Variants in RBM19 observed in about 807,000 individuals in gnomAD.
RBM19 encodes the protein RNA binding motif protein 19.
In RBM19, 94 loss-of-function variants were observed where a neutral mutation model predicts 116.8. That is an observed-to-expected ratio of 0.80 (90% confidence interval 0.68 to 0.95). The LOEUF (loss-of-function observed/expected upper bound fraction) is 0.95, where lower values mean the gene tolerates loss of function less well. RBM19 is among the 40% of genes least tolerant of loss of function. RBM19 has a pLI of 0.00. For missense variants in RBM19, 1,161 were observed against 1,220.7 expected, an observed-to-expected ratio of 0.95 and a Z score of 0.73; for synonymous variants, 475 against 494.1, an observed-to-expected ratio of 0.96 and a Z score of 0.51.
intron 21 of RBM19, among the ~76,000 whole-genome samples, chr12:113,877,240 C>A (rs765256674): frequency 1.3e-5 from 2 of 152,258 alleles, no homozygotes; most frequent in Non-Finnish European, 2.9e-5. Flanking sequence ...CCGTGAACCA[C>A]AAAGACCCAC....
At chr12:113,959,777 C>T (rs561179304) in intron 4 of RBM19, 88 bp downstream of exon 4, 2 of 1,495,238 alleles carry the variant, frequency 1.3e-6, no homozygotes, top group Admixed American at 1.8e-5. Flanking sequence ...TAGCCTCCAC[C>T]CTCTCCCAGC....
At chr12:113,823,471 A>G in intron 23 of RBM19, 150 bp from the exon 24 acceptor site, 1 of 654,364 alleles carries the variant, frequency 1.5e-6, no homozygotes, top group Middle Eastern at 2.7e-4. Flanking sequence ...AGAATGCAAG[A>G]GAGGGAAGTT....
At chr12:113,830,059 G>C (rs1298129619) in intron 23 of RBM19, among the ~76,000 whole-genome samples, 3 of 152,168 alleles carry the variant, frequency 2.0e-5, no homozygotes, top group African/African-American at 7.2e-5. Flanking sequence ...AGAGTCAAGT[G>C]GTCACACTTT....
At chr12:113,878,866 G>C (rs1879872090) in intron 21 of RBM19, among the ~76,000 whole-genome samples, 1 of 149,044 alleles carries the variant, frequency 6.7e-6, no homozygotes, top group African/African-American at 2.5e-5. Flanking sequence ...GAGAGGGTGA[G>C]ATTGGGGGAG....
Position 113,858,834 on chromosome 12 carries a change from C to G in RBM19, c.2621G>C (p.Arg874Thr), listed in dbSNP as rs1438159544. ...PKKMTGTGTH[R>T]GFGFVDFLTK... ...GAGGAAGTCCACAAAGCCGAAGCCT[C>G]TGTGTGTGCCTGTCCCAGTCATCTT... Residue 874 changes from arginine to threonine, a missense_variant, in exon 22 of 24, where the codon AGA (arginine) becomes ACA (threonine). Arg to Thr is a moderately conservative substitution (Grantham distance 71). Transcript: ENST00000261741. 7 of 1,614,064 alleles carry G rather than the reference C, an allele frequency of 4.3e-6. No homozygotes were observed. The highest frequency in any genetic ancestry group is 2.7e-5 in the African/African-American group (2 of 74,926).
intron 23 of RBM19, among the ~76,000 whole-genome samples, chr12:113,838,875 T>C (rs1876195962): frequency 6.6e-6 from 1 of 152,138 alleles, no homozygotes; most frequent in Admixed American, 6.5e-5. Flanking sequence ...ACGGACCACA[T>C]CAAGGGCTTC....
chr12:113,859,011 T>G, intron 21 of RBM19, 115 bp from the exon 22 acceptor site: 1 of 881,428 alleles, frequency 1.1e-6, no homozygotes, highest in South Asian at 1.5e-5. Context: ...GACAAGTGCA[T>G]GCAGGCACAC....
At chr12:113,954,888 GC>G (rs1871779073) in intron 7 of RBM19, among the ~76,000 whole-genome samples, 1 of 152,114 alleles carries the variant, frequency 6.6e-6, no homozygotes, top group African/African-American at 2.4e-5. Context: ...CAGAGTGTGT[GC>G]CCACCCTGGT....
At chr12:113,841,356 C>A (rs996707544) in intron 23 of RBM19, among the ~76,000 whole-genome samples, 1 of 152,132 alleles carries the variant, frequency 6.6e-6, no homozygotes, top group African/African-American at 2.4e-5. Context: ...AGGGCCAAAG[C>A]CATGAAGTCA....
chr12:113,960,246 A>C, intron 2 of RBM19, 68 bp from the exon 3 acceptor site: 1 of 1,604,482 alleles, frequency 6.2e-7, no homozygotes, highest in Non-Finnish European at 8.5e-7. Context: ...GCCCTTCGGC[A>C]CCTGGGAGCT....
At chr12:113,948,811 G>C (rs752155571) in intron 10 of RBM19, 22 bp downstream of exon 10, 1 of 1,612,678 alleles carries the variant, frequency 6.2e-7, no homozygotes, top group Non-Finnish European at 8.5e-7. Flanking sequence ...GGCTATCCAC[G>C]GCCCGGAGGC....
intron 21 of RBM19, among the ~76,000 whole-genome samples, chr12:113,860,965 C>A (rs945067144): frequency 6.6e-6 from 1 of 152,178 alleles, no homozygotes; most frequent in Non-Finnish European, 1.5e-5. Flanking sequence ...TACACCTACC[C>A]TCAGAGGGCG....
At chr12:113,927,736 A>G (rs1237429401) in intron 16 of RBM19, among the ~76,000 whole-genome samples, 15 of 152,234 alleles carry the variant, frequency 9.9e-5, no homozygotes. Context: ...AATGTTACAT[A>G]CCATCGAAAT....
chr12:113,950,999 T>C (rs886366228), intron 8 of RBM19, among the ~76,000 whole-genome samples: 7 of 152,138 alleles, frequency 4.6e-5, no homozygotes, highest in African/African-American at 1.4e-4. Flanking sequence ...GGGACCATCC[T>C]AAATGTGATC....
intron 1 of RBM19, 129 bp downstream of exon 1, chr12:113,966,063 G>T (rs900146667): frequency 1.3e-5 from 13 of 1,020,008 alleles, no homozygotes; most frequent in Admixed American, 1.9e-5. Flanking sequence ...CGCCCCCTTT[G>T]AGTTCAGAAT....
In RBM19 at chr12:113,957,981, T is replaced by C. The variant is rs764137186; in HGVS notation, c.641A>G (p.Lys214Arg). Reference protein sequence around the residue: ...ELSDMDYLKSKMVKAGSSSSS... With the variant: ...ELSDMDYLKSRMVKAGSSSSS... Reference sequence around the variant, plus strand: ...AGAGGACGACCCAGCCTTCACCATCTTGGATTTCAGGTAATCCATGTCCGA... The same window carrying C: ...AGAGGACGACCCAGCCTTCACCATCCTGGATTTCAGGTAATCCATGTCCGA... The change falls in exon 6 of 24, where the codon AAG becomes AGG. Residue 214 changes from lysine to arginine, a missense_variant. Coordinates refer to ENST00000261741, the MANE Select transcript of RBM19 (RefSeq NM_016196.4). 6.2e-7 allele frequency: 1 copy of C among 1,614,228 alleles called. No individual in the cohort carries two copies. The highest frequency in any genetic ancestry group is 8.5e-7 in the Non-Finnish European group (1 of 1,180,034).
At chr12:113,895,469 G>C (rs1881255362) in intron 21 of RBM19, among the ~76,000 whole-genome samples, 1 of 152,228 alleles carries the variant, frequency 6.6e-6, no homozygotes, top group South Asian at 2.1e-4. Context: ...GAAAGATGAG[G>C]AGAGTTACAT....
At chr12:113,897,703 T>C (rs1881431991) in intron 21 of RBM19, among the ~76,000 whole-genome samples, 2 of 152,352 alleles carry the variant, frequency 1.3e-5, no homozygotes, top group Non-Finnish European at 2.9e-5. Flanking sequence ...TGTTTGGTCG[T>C]GCAGGTTGAA....
intron 21 of RBM19, among the ~76,000 whole-genome samples, chr12:113,867,245 C>A (rs934671867): frequency 6.6e-6 from 1 of 152,368 alleles, no homozygotes; most frequent in South Asian, 2.1e-4. Context: ...TGTGGCTACA[C>A]TTAATGAATG....
Sources: allele counts gnomAD v4.1 joint callset (sites outside exome capture counted in the v4.1 genomes callset), GRCh38; gene constraint gnomAD v4.1.1; transcripts MANE v1.5; gene names NCBI Gene and HGNC (gene_info 2026-07-23, HGNC 2026-07-21).